The following SNCAIP variants were observed in gnomAD, a reference collection of about 807,000 sequenced individuals.
The protein encoded by SNCAIP is synphilin-1.
In SNCAIP, 43 loss-of-function variants were observed where a neutral mutation model predicts 86.7. That is an observed-to-expected ratio of 0.50 (90% CI 0.39 to 0.64). The LOEUF is 0.64. Ranked by LOEUF, SNCAIP falls within the 30% of genes least tolerant of loss-of-function variation. The pLI, the probability that SNCAIP is intolerant of heterozygous loss-of-function variation, is 0.00. For synonymous variants in SNCAIP, 417 were observed against 427.2 expected, an observed-to-expected ratio of 0.98 and a Z score of 0.29; for missense variants, 981 against 1,103.1, an observed-to-expected ratio of 0.89 and a Z score of 1.57.
At chr5:122,386,788 C>T (rs1403339168) in intron 1 of SNCAIP, among the ~76,000 whole-genome samples, 1 of 151,524 alleles carries the variant, frequency 6.6e-6, no homozygotes, top group East Asian at 1.9e-4. Flanking sequence ...TTTCTCAACT[C>T]ACCCTCCCTG....
At chr5:122,409,188 GGC>G (rs1773623621) in intron 3 of SNCAIP, among the ~76,000 whole-genome samples, 1 of 152,192 alleles carries the variant, frequency 6.6e-6, no homozygotes, top group Non-Finnish European at 1.5e-5. Flanking sequence ...GACACCACAA[GGC>G]AGTGAATGTT....
At chr5:122,369,387 G>A (rs1370761921) in intron 1 of SNCAIP, among the ~76,000 whole-genome samples, 2 of 152,076 alleles carry the variant, frequency 1.3e-5, no homozygotes, top group African/African-American at 2.4e-5. Flanking sequence ...TTTAATATTC[G>A]AATGGCACAT....
chr5:122,326,711 T>C (rs572408546), intron 1 of SNCAIP, among the ~76,000 whole-genome samples: 1 of 146,988 alleles, frequency 6.8e-6, no homozygotes, highest in African/African-American at 2.5e-5. Flanking sequence ...TAAGGATTTA[T>C]AGATTGTCCC....
At chr5:122,330,881 G>A (rs1755188408) in intron 1 of SNCAIP, among the ~76,000 whole-genome samples, 1 of 151,796 alleles carries the variant, frequency 6.6e-6, no homozygotes, top group Non-Finnish European at 1.5e-5. Context: ...TGGAAGCCCT[G>A]AGATTGTTTT....
At chr5:122,338,473 C>T (rs1158588504) in intron 1 of SNCAIP, among the ~76,000 whole-genome samples, 1 of 152,150 alleles carries the variant, frequency 6.6e-6, no homozygotes, top group East Asian at 1.9e-4. Context: ...ACAGTAAAAA[C>T]CAACTAATAA....
chr5:122,439,693 T>C (rs747702734), intron 6 of SNCAIP, among the ~76,000 whole-genome samples: 3 of 152,154 alleles, frequency 2.0e-5, no homozygotes, highest in Non-Finnish European at 4.4e-5. Flanking sequence ...AAGAAAGAAG[T>C]TCAAGGTTAT....
intron 10 of SNCAIP, 82 bp downstream of exon 10, chr5:122,451,683 C>G: frequency 9.2e-7 from 1 of 1,091,844 alleles, no homozygotes; most frequent in Non-Finnish European, 1.4e-6. Context: ...TGGGCCCACA[C>G]TACCTTGAGG....
intron 1 of SNCAIP, among the ~76,000 whole-genome samples, chr5:122,326,495 G>T (rs1475361623): frequency 1.3e-5 from 2 of 148,366 alleles, no homozygotes; most frequent in Non-Finnish European, 3.0e-5. Flanking sequence ...TAATAAATTT[G>T]TCATAGTTAT....
intron 2 of SNCAIP, among the ~76,000 whole-genome samples, chr5:122,398,933 C>T (rs763387786): frequency 2.0e-5 from 3 of 152,034 alleles, no homozygotes; most frequent in African/African-American, 4.8e-5. Context: ...AACTGACTGG[C>T]GTAGGCTGGG....
In SNCAIP at chr5:122,331,307, G is replaced by A. The variant is rs192027200; in HGVS notation, c.-47+19023G>A. Among the ~76,000 whole-genome samples, 12 of 152,224 alleles carry A rather than the reference G, an allele frequency of 7.9e-5. No homozygotes were observed. In the East Asian group the frequency reaches 1.9e-3, roughly 24 times the overall value. ...ATCTCAAGTTCATTGGGTTTTAAAT[G>A]TTCATTAAGCAGTCCCTTTTACTAT... On this transcript the variant is annotated intron_variant, in intron 1 of 10. Coordinates refer to ENST00000261368, the MANE Select transcript of SNCAIP (RefSeq NM_005460.4).
chr5:122,339,930 A>G (rs1341601519), intron 1 of SNCAIP, among the ~76,000 whole-genome samples: 1 of 152,202 alleles, frequency 6.6e-6, no homozygotes, highest in African/African-American at 2.4e-5. Flanking sequence ...GAGGAGTGTC[A>G]CTGAGCAGGG....
At chr5:122,361,126 CTTTAT>C (rs1048500769) in intron 1 of SNCAIP, among the ~76,000 whole-genome samples, 6 of 149,282 alleles carry the variant, frequency 4.0e-5, no homozygotes, top group Admixed American at 6.7e-5. Flanking sequence ...ACATTACATC[CTTTAT>C]TTTGTGTTTG....
chr5:122,384,363 T>C (rs903270668), intron 1 of SNCAIP, among the ~76,000 whole-genome samples: 1 of 152,096 alleles, frequency 6.6e-6, no homozygotes, highest in Admixed American at 6.5e-5. Context: ...GTAAATAATT[T>C]GAGCTAAAAA....
chr5:122,427,648 C>G (rs1391502299), intron 5 of SNCAIP, among the ~76,000 whole-genome samples: 1 of 152,146 alleles, frequency 6.6e-6, no homozygotes, highest in African/African-American at 2.4e-5. Context: ...CCTAAAGAGT[C>G]ACCATTTTGT....
chr5:122,358,234 C>G (rs563307496), intron 1 of SNCAIP, among the ~76,000 whole-genome samples: 1 of 146,116 alleles, frequency 6.8e-6, no homozygotes, highest in South Asian at 2.2e-4. Flanking sequence ...ACTTTAAGTT[C>G]TAGGGTACAT....
chr5:122,381,123 C>G (rs1216730666), intron 1 of SNCAIP, among the ~76,000 whole-genome samples: 1 of 147,362 alleles, frequency 6.8e-6, no homozygotes, highest in Non-Finnish European at 1.5e-5. Context: ...GTTGATCTGT[C>G]TAATGTTGAC....
chr5:122,459,414 C>G lies in SNCAIP; in HGVS notation c.2755-4077C>G, dbSNP rs149348651. ...TTTTTTCTTTCCAATTTTGGTCACT[C>G]AGAATGTGATTTCATATCCAAAAAT... On this transcript the variant is annotated intron_variant, in intron 10 of 10. Coordinates refer to ENST00000261368, the MANE Select transcript of SNCAIP (RefSeq NM_005460.4). 8.9e-3 allele frequency among the ~76,000 whole-genome samples: 1,357 copies of G among 152,124 alleles called. 9 individuals carry two copies. Among genetic ancestry groups the G allele is most frequent in the Non-Finnish European group, 0.012 (823 of 67,996 alleles).
chr5:122,423,465 T>C lies in SNCAIP; in HGVS notation c.728T>C (p.Val243Ala). Reference protein sequence around the residue: ...TEETEISPPLVKCGSAYEPEN... With the variant: ...TEETEISPPLAKCGSAYEPEN... ...GAAACCGAGATCTCACCTCCTCTGGTTAAATGTGGCTCTGCATATGAGCCT... is the reference window on the plus strand; with the variant it reads ...GAAACCGAGATCTCACCTCCTCTGGCTAAATGTGGCTCTGCATATGAGCCT... Residue 243 changes from valine to alanine, a missense_variant, in exon 4 of 11, where the codon GTT (valine) becomes GCT (alanine). Transcript: ENST00000261368. The C allele has an allele frequency of 6.2e-7, 1 of 1,614,104 alleles. No individual in the cohort carries two copies. The highest frequency in any genetic ancestry group is 8.5e-7 in the Non-Finnish European group (1 of 1,179,996).
intron 10 of SNCAIP, among the ~76,000 whole-genome samples, chr5:122,453,327 T>C (rs1303046507): frequency 1.3e-5 from 2 of 152,242 alleles, no homozygotes; most frequent in African/African-American, 4.8e-5. Context: ...TTAAATTTCC[T>C]GTCATGGTGG....
Sources: gnomAD v4.1 joint callset for allele counts (sites outside exome capture counted in the v4.1 genomes callset) on GRCh38, gnomAD v4.1.1 for gene constraint, MANE v1.5 for transcripts, NCBI Gene and HGNC (gene_info 2026-07-23, HGNC 2026-07-21) for gene names.